BABAM2: variants seen among roughly 807,000 people sequenced by gnomAD.
BABAM2 encodes the protein BRISC and BRCA1 A complex member 2, also known as BRISC and BRCA1-A complex member 2.
BABAM2 carries 31 observed loss-of-function variants against 54.7 expected under a neutral mutation model. The observed-to-expected ratio is 0.57, with a 90% CI of 0.43 to 0.77. The LOEUF is 0.77. Among genes scored for constraint, BABAM2 ranks in the 30% least tolerant of loss-of-function variants. The pLI, the probability that BABAM2 is intolerant of heterozygous loss-of-function variation, is 0.00. For missense variants in BABAM2, 364 were observed against 455.8 expected (o/e 0.80, Z 1.83); for synonymous variants, 167 against 162.9 (o/e 1.03, Z -0.19).
chr2:27,890,579 G>T, upstream of BABAM2: 1 of 498,990 alleles, frequency 2.0e-6, no homozygotes, highest in Non-Finnish European at 3.6e-6. The surrounding 1 kb of genome is among the most constrained non-coding windows in gnomAD (Gnocchi z 4.8). Flanking sequence ...GCGAGACTCC[G>T]CGCTCCTCGT....
intron 3 of BABAM2, among the ~76,000 whole-genome samples, chr2:27,972,212 A>G (rs1330330258): frequency 6.6e-6 from 1 of 152,326 alleles, no homozygotes; most frequent in Admixed American, 6.5e-5. Context: ...GGCATATTTA[A>G]CCTGGAGAAG....
chr2:28,143,960 G>A (rs1359090536), intron 7 of BABAM2, among the ~76,000 whole-genome samples: 1 of 152,144 alleles, frequency 6.6e-6, no homozygotes, highest in Non-Finnish European at 1.5e-5. Flanking sequence ...CTCCCATCAT[G>A]ATAAAGTCTT....
At chr2:27,935,040 A>C (rs985771252) in intron 3 of BABAM2, among the ~76,000 whole-genome samples, 1 of 152,238 alleles carries the variant, frequency 6.6e-6, no homozygotes, top group African/African-American at 2.4e-5. Context: ...TTTAGTGTAG[A>C]TGGAACAGGC....
intron 7 of BABAM2, among the ~76,000 whole-genome samples, chr2:28,187,854 G>A (rs574973345): frequency 1.3e-5 from 2 of 151,992 alleles, no homozygotes; most frequent in South Asian, 4.2e-4. Flanking sequence ...TTTTAGTAGA[G>A]ACTGAGTTTC....
chr2:27,927,023 C>T (rs1368901732), intron 2 of BABAM2, among the ~76,000 whole-genome samples: 2 of 152,076 alleles, frequency 1.3e-5, no homozygotes, highest in Non-Finnish European at 2.9e-5. Flanking sequence ...TATAGTACAC[C>T]AGAATGTATT....
At chr2:28,039,556 G>C (rs1379384242) in intron 5 of BABAM2, among the ~76,000 whole-genome samples, 1 of 152,196 alleles carries the variant, frequency 6.6e-6, no homozygotes, top group African/African-American at 2.4e-5. Flanking sequence ...GCTTTTAGCT[G>C]TCTAAGTGGT....
chr2:28,122,627 T>C (rs1284767991), intron 6 of BABAM2, among the ~76,000 whole-genome samples: 1 of 152,158 alleles, frequency 6.6e-6, no homozygotes, highest in Non-Finnish European at 1.5e-5. Flanking sequence ...CAGCAATTAG[T>C]TAATTGGTAG....
chr2:28,126,701 T>C (rs1669575548), intron 6 of BABAM2, among the ~76,000 whole-genome samples: 1 of 127,528 alleles, frequency 7.8e-6, no homozygotes, highest in Non-Finnish European at 1.6e-5. Context: ...TAGTTCTAGA[T>C]CCCTGAGGAA....
chr2:27,913,714 G>A (rs766034567), intron 2 of BABAM2, among the ~76,000 whole-genome samples: 1 of 152,092 alleles, frequency 6.6e-6, no homozygotes, highest in Non-Finnish European at 1.5e-5. Flanking sequence ...GGCAAGGAGA[G>A]AATGTTTATA....
chr2:28,285,417 G>T (rs1227894950), intron 10 of BABAM2, among the ~76,000 whole-genome samples: 1 of 152,176 alleles, frequency 6.6e-6, no homozygotes, highest in Non-Finnish European at 1.5e-5. Context: ...TAGTGGGTCA[G>T]ACATTGTCCT....
chr2:28,162,692 T>A (rs1454854659), intron 7 of BABAM2, among the ~76,000 whole-genome samples: 1 of 152,222 alleles, frequency 6.6e-6, no homozygotes, highest in Non-Finnish European at 1.5e-5. Flanking sequence ...TTTGAATTTT[T>A]AAGCATCTTG....
Position 27,953,581 on chromosome 2 carries a change from C to T in BABAM2, c.205+23673C>T, listed in dbSNP as rs377762659. On this transcript the variant is annotated intron_variant, in intron 3 of 11. Transcript: ENST00000379624. ...TGCTGGGATTATAGGCATGAACCAC[C>T]GCACTGGGCCCACACTTCTCTTTTG... Among the ~76,000 whole-genome samples the T allele has an allele frequency of 1.5e-4, 23 of 151,858 alleles. 1 individual carries two copies. The highest frequency in any genetic ancestry group is 4.6e-4 in the African/African-American group (19 of 41,386).
chr2:28,150,885 A>C (rs187979348), intron 7 of BABAM2, among the ~76,000 whole-genome samples: 7 of 152,002 alleles, frequency 4.6e-5, no homozygotes, highest in African/African-American at 1.7e-4. Context: ...TGTATTTTTT[A>C]AAAAAAACAA....
intron 11 of BABAM2, among the ~76,000 whole-genome samples, chr2:28,313,911 A>G (rs1026446190): frequency 6.6e-5 from 10 of 152,196 alleles, no homozygotes; most frequent in African/African-American, 2.2e-4. Context: ...CAGACTGAGT[A>G]CAGTCCGAAT....
intron 3 of BABAM2, among the ~76,000 whole-genome samples, chr2:27,935,618 G>A (rs761231120): frequency 2.0e-5 from 3 of 152,234 alleles, no homozygotes. Flanking sequence ...TGAGAGGATT[G>A]ACTCCAGTTT....
chr2:28,298,538 A>C (rs771463446), intron 11 of BABAM2, 47 bp downstream of exon 11: 19 of 1,611,036 alleles, frequency 1.2e-5, no homozygotes, highest in Non-Finnish European at 1.5e-5. Flanking sequence ...CATTTTGTTT[A>C]TCTAGTCCAG....
intron 11 of BABAM2, among the ~76,000 whole-genome samples, chr2:28,331,790 C>G (rs2148334356): frequency 6.6e-6 from 1 of 152,326 alleles, no homozygotes; most frequent in East Asian, 1.9e-4. Flanking sequence ...CCAGAAATAT[C>G]ATTTGACCCA....
chr2:27,978,629 C>A (rs1385678468), intron 3 of BABAM2, among the ~76,000 whole-genome samples: 1 of 152,096 alleles, frequency 6.6e-6, no homozygotes, highest in Non-Finnish European at 1.5e-5. Flanking sequence ...TTACCTTTTT[C>A]TTTTTTTCTT....
At chr2:28,166,996 A>G (rs1445170404) in intron 7 of BABAM2, among the ~76,000 whole-genome samples, 1 of 152,178 alleles carries the variant, frequency 6.6e-6, no homozygotes, top group Non-Finnish European at 1.5e-5. Context: ...ATATAGCTTT[A>G]GTGTTAACAT....
Sources: allele counts gnomAD v4.1 joint callset (sites outside exome capture counted in the v4.1 genomes callset), GRCh38; gene constraint gnomAD v4.1.1; non-coding constraint Gnocchi (gnomAD v3.1); transcripts MANE v1.5; gene names NCBI Gene and HGNC (gene_info 2026-07-23, HGNC 2026-07-21).